Variants in R3HDM1 observed in about 807,000 individuals in gnomAD.
The protein encoded by R3HDM1 is R3H domain-containing protein 1.
A neutral mutation model predicts 141.1 loss-of-function variants in R3HDM1; 46 were observed. The observed-to-expected ratio is 0.33, with a 90% CI of 0.26 to 0.42. The LOEUF (loss-of-function observed/expected upper bound fraction) is 0.42, where lower values mean the gene tolerates loss of function less well. R3HDM1 is among the 10% of genes least tolerant of loss of function. The pLI, the probability that R3HDM1 is intolerant of heterozygous loss-of-function variation, is 1.00. For synonymous variants in R3HDM1, 435 were observed against 472.9 expected, an observed-to-expected ratio of 0.92 and a Z score of 1.04; for missense variants, 1,184 against 1,368.3, an observed-to-expected ratio of 0.87 and a Z score of 2.12.
intron 21 of R3HDM1, among the ~76,000 whole-genome samples, chr2:135,684,630 A>G (rs2071011017): frequency 6.6e-6 from 1 of 152,202 alleles, no homozygotes; most frequent in Admixed American, 6.5e-5. Flanking sequence ...GGTAACCAGC[A>G]TTCACAGGCT....
chr2:135,626,407 T>C (rs1247258915), intron 7 of R3HDM1, among the ~76,000 whole-genome samples: 1 of 152,196 alleles, frequency 6.6e-6, no homozygotes, highest in Non-Finnish European at 1.5e-5. Context: ...AATTGTTGGC[T>C]ATTTTAACAA....
intron 20 of R3HDM1, among the ~76,000 whole-genome samples, chr2:135,677,424 C>G (rs2069391499): frequency 6.6e-6 from 1 of 152,152 alleles, no homozygotes; most frequent in Non-Finnish European, 1.5e-5. Flanking sequence ...AAGCCTGAAG[C>G]CTTCCTTTCT....
At chr2:135,651,534 T>G in intron 17 of R3HDM1, 196 bp from the exon 18 acceptor site, 1 of 932,434 alleles carries the variant, frequency 1.1e-6, no homozygotes, top group Non-Finnish European at 1.3e-6. Context: ...TTTAAATAAT[T>G]TATAATTTAT....
chr2:135,545,742 G>C (rs574388711), intron 1 of R3HDM1, among the ~76,000 whole-genome samples: 6 of 152,334 alleles, frequency 3.9e-5, no homozygotes, highest in South Asian at 4.1e-4. Flanking sequence ...CCCAAATGTA[G>C]TGGATTTGGG....
intron 7 of R3HDM1, among the ~76,000 whole-genome samples, chr2:135,628,281 T>C (rs903133572): frequency 5.3e-5 from 8 of 152,168 alleles, no homozygotes; most frequent in African/African-American, 1.9e-4. Flanking sequence ...AGGCAGAAGG[T>C]ATAAATCTTA....
At chr2:135,654,433 G>C (rs924909898) in intron 18 of R3HDM1, among the ~76,000 whole-genome samples, 1 of 144,204 alleles carries the variant, frequency 6.9e-6, no homozygotes, top group Admixed American at 6.8e-5. Flanking sequence ...TTCTTTTGTT[G>C]TTGTTGTTGT....
At chr2:135,533,832 C>T (rs925852299) in intron 1 of R3HDM1, 3 of 230,526 alleles carry the variant, frequency 1.3e-5, no homozygotes, top group Non-Finnish European at 2.1e-5. Context: ...GAGATCAGGC[C>T]ATTGAACTCC....
chr2:135,675,653 C>CTT (rs2307727), intron 20 of R3HDM1, among the ~76,000 whole-genome samples, 167 bp downstream of exon 20: 74,562 of 151,908 alleles, frequency 0.49, 22,976 homozygotes, highest in East Asian at 0.88. Flanking sequence ...ACTTTATAGT[C>CTT]AAGAGTTTTA....
rs58907969 is a variant in R3HDM1 at position 135,594,977 on chromosome 2, AC to A, written c.-249-7513del. ...GTTCAGTGTTCCCTAGGGATTCTAC[AC>A]CCCCCCCCCTTTTCAATGAAGGCTT... is the stretch of plus-strand genomic sequence containing the variant. On this transcript the variant is annotated intron_variant, in intron 1 of 26. Transcript: ENST00000683871. Among the ~76,000 whole-genome samples the A allele has an allele frequency of 1.5e-3, 213 of 138,956 alleles. 2 individuals are homozygous for A. Among genetic ancestry groups the A allele is most frequent in the East Asian group, 2.9e-3 (14 of 4,766 alleles). 91.2% of individuals were successfully genotyped at this position (138,956 alleles called of 152,430 possible).
chr2:135,672,845 C>T (rs1440975913), intron 19 of R3HDM1, among the ~76,000 whole-genome samples: 2 of 152,098 alleles, frequency 1.3e-5, no homozygotes, highest in Admixed American at 1.3e-4. Context: ...GTAGCTCTCG[C>T]CTGTAATCCC....
chr2:135,586,955 T>C, intron 1 of R3HDM1: 1 of 985,296 alleles, frequency 1.0e-6, no homozygotes, highest in Non-Finnish European at 1.2e-6. Flanking sequence ...TTTTGGAAAT[T>C]AAGAAGCTAA....
At chr2:135,540,789 A>G (rs900761719) in intron 1 of R3HDM1, among the ~76,000 whole-genome samples, 3 of 152,212 alleles carry the variant, frequency 2.0e-5, no homozygotes, top group African/African-American at 7.2e-5. Flanking sequence ...CAGTTGCATC[A>G]GAGGAATTAC....
At chr2:135,532,045 G>A (rs904821381) in intron 1 of R3HDM1, among the ~76,000 whole-genome samples, 1 of 152,214 alleles carries the variant, frequency 6.6e-6, no homozygotes, top group Non-Finnish European at 1.5e-5. Flanking sequence ...GCAGCCCCAG[G>A]GACTCGGGAG....
chr2:135,621,914 C>T, intron 6 of R3HDM1: 1 of 979,450 alleles, frequency 1.0e-6, no homozygotes, highest in Non-Finnish European at 1.2e-6. Context: ...TCTAAGGATA[C>T]TATCACTCTT....
intron 1 of R3HDM1, among the ~76,000 whole-genome samples, chr2:135,568,093 T>A (rs1418558602): frequency 6.6e-6 from 1 of 150,914 alleles, no homozygotes; most frequent in Non-Finnish European, 1.5e-5. Context: ...TCTTACTCTG[T>A]CACCCAGGCT....
intron 19 of R3HDM1, chr2:135,669,699 G>A: frequency 6.0e-6 from 3 of 496,264 alleles, no homozygotes; most frequent in Non-Finnish European, 7.8e-6. Context: ...GAACCTCTCT[G>A]TGCCTTTTGT....
chr2:135,685,848 CT>C (rs1427897724), intron 21 of R3HDM1, among the ~76,000 whole-genome samples: 2 of 152,066 alleles, frequency 1.3e-5, no homozygotes, highest in Admixed American at 6.5e-5. Flanking sequence ...TTTATTTGTA[CT>C]TTTGTTTTCT....
rs1047030936 is a variant in R3HDM1 at position 135,531,494 on chromosome 2, C to T, written c.-389C>T. 3 of 985,774 alleles carry T rather than the reference C, an allele frequency of 3.0e-6. No individual in the cohort carries two copies. The South Asian group carries it at 1.4e-4, about 46-fold the overall frequency. 61.1% of individuals were successfully genotyped at this position (985,774 alleles called of 1,614,324 possible). On this transcript the variant is annotated 5_prime_UTR_variant, in exon 1 of 27. Coordinates refer to ENST00000683871, the MANE Select transcript of R3HDM1 (RefSeq NM_001378107.1). Reference sequence around the variant, plus strand: ...GTGGGAAGGGGCGGGATTCTGCCAGCCGCGGCTGCCGCTGGAGCCGGTGTC... The same window carrying T: ...GTGGGAAGGGGCGGGATTCTGCCAGTCGCGGCTGCCGCTGGAGCCGGTGTC...
chr2:135,575,619 T>C (rs927998623), intron 1 of R3HDM1, among the ~76,000 whole-genome samples: 1 of 152,180 alleles, frequency 6.6e-6, no homozygotes, highest in Non-Finnish European at 1.5e-5. Flanking sequence ...AAAAAATCAA[T>C]AGACTCATAT....
Sources: gnomAD v4.1 joint callset for allele counts (sites outside exome capture counted in the v4.1 genomes callset) on GRCh38, gnomAD v4.1.1 for gene constraint, MANE v1.5 for transcripts, NCBI Gene and HGNC (gene_info 2026-07-23, HGNC 2026-07-21) for gene names.